TAFA1: variants seen among roughly 807,000 people sequenced by gnomAD.
The protein encoded by TAFA1 is TAFA chemokine like family member 1, also known as chemokine-like protein TAFA-1.
Under a neutral mutation model 18.5 loss-of-function variants are expected in TAFA1, and 4 were observed. The observed-to-expected ratio is 0.22, with a 90% CI of 0.11 to 0.49. TAFA1 has a LOEUF of 0.49. TAFA1 is among the 20% of genes least tolerant of loss of function. The pLI, the probability that TAFA1 is intolerant of heterozygous loss-of-function variation, is 0.98. For synonymous variants in TAFA1, 56 were observed against 55.2 expected (o/e 1.01, Z -0.06); for missense variants, 147 against 169.0 (o/e 0.87, Z 0.72).
At chr3:68,405,724 A>G (rs2070591463) in intron 2 of TAFA1, among the ~76,000 whole-genome samples, 1 of 142,270 alleles carries the variant, frequency 7.0e-6, no homozygotes. Context: ...AAAAAAAAAA[A>G]AAAAAAAAAA....
chr3:68,206,469 C>G (rs1310807941), intron 2 of TAFA1, among the ~76,000 whole-genome samples: 5 of 151,686 alleles, frequency 3.3e-5, no homozygotes, highest in African/African-American at 1.2e-4. Context: ...TAATAGTTCC[C>G]AAATGATATT....
At chr3:68,344,503 G>T (rs1206665736) in intron 2 of TAFA1, among the ~76,000 whole-genome samples, 2 of 152,210 alleles carry the variant, frequency 1.3e-5, no homozygotes, top group Non-Finnish European at 2.9e-5. Context: ...AGACGTGTGT[G>T]ATGACAGGCT....
chr3:68,348,064 T>C (rs1264481300), intron 2 of TAFA1, among the ~76,000 whole-genome samples: 1 of 152,048 alleles, frequency 6.6e-6, no homozygotes. Context: ...TCATACCTTA[T>C]CTGTAAAGCA....
chr3:68,377,448 C>T (rs2069840539), intron 2 of TAFA1, among the ~76,000 whole-genome samples: 1 of 152,270 alleles, frequency 6.6e-6, no homozygotes, highest in South Asian at 2.1e-4. Flanking sequence ...CTGCCCTGCC[C>T]TAGAGATCTG....
At chr3:68,371,095 T>G (rs2069697705) in intron 2 of TAFA1, among the ~76,000 whole-genome samples, 2 of 152,308 alleles carry the variant, frequency 1.3e-5, no homozygotes, top group South Asian at 4.1e-4. Flanking sequence ...ATTGTAATTT[T>G]TCCTCTTCTC....
At position 68,491,049 on chromosome 3, in the gene TAFA1, G is replaced by A. The variant is rs560692711; in HGVS notation, c.260-47707G>A. 5.3e-5 allele frequency among the ~76,000 whole-genome samples: 8 copies of A among 151,904 alleles called. No individual in the cohort carries two copies. In the East Asian group the frequency reaches 1.6e-3, roughly 30 times the overall value. ...AGATGGGATTTTATCCTCTTGCCCAGGCTGGTCTTAAACTCCCAGGCTCAA... is the reference window on the plus strand; with the variant it reads ...AGATGGGATTTTATCCTCTTGCCCAAGCTGGTCTTAAACTCCCAGGCTCAA... On this transcript the variant is annotated intron_variant, in intron 3 of 4. Coordinates refer to ENST00000478136, the MANE Select transcript of TAFA1 (RefSeq NM_213609.4).
intron 2 of TAFA1, among the ~76,000 whole-genome samples, chr3:68,098,484 T>C (rs2065112946): frequency 1.3e-5 from 2 of 152,192 alleles, no homozygotes; most frequent in Non-Finnish European, 2.9e-5. Context: ...TGTGTCTGCC[T>C]AGGATCTTCT....
rs567250306 is a variant in TAFA1 at position 68,417,381 on chromosome 3, G to A, written c.220G>A (p.Val74Met). 6 of 1,613,600 alleles carry A rather than the reference G, an allele frequency of 3.7e-6. No homozygotes were observed. Among genetic ancestry groups the A allele is most frequent in the Non-Finnish European group, 5.1e-6 (6 of 1,179,696 alleles). Residue 74 changes from valine to methionine, a missense_variant, in exon 3 of 5, where the codon GTG becomes ATG. Coordinates refer to ENST00000478136, the MANE Select transcript of TAFA1 (RefSeq NM_213609.4). Reference sequence around the variant, plus strand: ...AAAGTGTTCCTGTCTACCTGGAAAAGTGGCTGGAACAACAAGAAACCGGCC... The same window carrying A: ...AAAGTGTTCCTGTCTACCTGGAAAAATGGCTGGAACAACAAGAAACCGGCC... ...TVKCSCLPGK[V>M]AGTTRNRPSC...
chr3:68,460,290 C>T (rs2071749872), intron 3 of TAFA1, among the ~76,000 whole-genome samples: 1 of 152,160 alleles, frequency 6.6e-6, no homozygotes, highest in South Asian at 2.1e-4. Context: ...CCTAGACCAT[C>T]TGATAAATCC....
chr3:68,001,788 A>T (rs1704286457), upstream of TAFA1, among the ~76,000 whole-genome samples: 1 of 152,162 alleles, frequency 6.6e-6, no homozygotes, highest in African/African-American at 2.4e-5. Context: ...TGCAATAACA[A>T]ATAACTCCTA....
intron 2 of TAFA1, among the ~76,000 whole-genome samples, chr3:68,285,198 T>C (rs1004131318): frequency 6.6e-6 from 1 of 152,194 alleles, no homozygotes; most frequent in Non-Finnish European, 1.5e-5. Context: ...ATAAGTCCAT[T>C]GATATGAATT....
At chr3:68,362,961 G>T (rs1295883312) in intron 2 of TAFA1, among the ~76,000 whole-genome samples, 46 of 83,326 alleles carry the variant, frequency 5.5e-4, no homozygotes, top group East Asian at 2.0e-3. Flanking sequence ...TTTTAACGAT[G>T]TAAGCCCTGT....
chr3:68,530,157 T>C (rs2073170141), intron 3 of TAFA1, among the ~76,000 whole-genome samples: 1 of 152,214 alleles, frequency 6.6e-6, no homozygotes, highest in Admixed American at 6.5e-5. Flanking sequence ...ATTTGCTGAA[T>C]TTGATTATCT....
At chr3:68,259,779 A>G (rs969505023) in intron 2 of TAFA1, among the ~76,000 whole-genome samples, 2 of 152,094 alleles carry the variant, frequency 1.3e-5, no homozygotes, top group African/African-American at 4.8e-5. Context: ...ATTTTTGTAC[A>G]TTGATTTTGT....
chr3:68,115,364 G>C (rs116043584), intron 2 of TAFA1, among the ~76,000 whole-genome samples: 31 of 152,260 alleles, frequency 2.0e-4, no homozygotes, highest in Non-Finnish European at 4.1e-4. Context: ...TTGCTTCCCA[G>C]ATGATACCGC....
At chr3:67,993,290 C>G in the TAFA1 span, among the ~76,000 whole-genome samples, 1 of 152,184 alleles carries the variant, frequency 6.6e-6, no homozygotes, top group Non-Finnish European at 1.5e-5. Flanking sequence ...GTAGGAAATA[C>G]AGCAAACGAA....
At chr3:68,195,658 C>T (rs1389053809) in intron 2 of TAFA1, among the ~76,000 whole-genome samples, 1 of 151,540 alleles carries the variant, frequency 6.6e-6, no homozygotes, top group Non-Finnish European at 1.5e-5. Flanking sequence ...GTTATTCAGC[C>T]CAACTTGTCC....
intron 2 of TAFA1, among the ~76,000 whole-genome samples, chr3:68,350,551 C>T (rs896372396): frequency 3.9e-5 from 6 of 151,942 alleles, no homozygotes; most frequent in African/African-American, 7.2e-5. Flanking sequence ...TTAAAAAGTC[C>T]CAAGGTATTT....
At chr3:67,994,026 G>T in the TAFA1 span, among the ~76,000 whole-genome samples, 1 of 152,132 alleles carries the variant, frequency 6.6e-6, no homozygotes, top group Non-Finnish European at 1.5e-5. Flanking sequence ...GGGGTGAGCT[G>T]TGTGATATAT....
Sources: gnomAD v4.1 joint callset for allele counts (sites outside exome capture counted in the v4.1 genomes callset) on GRCh38, gnomAD v4.1.1 for gene constraint, MANE v1.5 for transcripts, NCBI Gene and HGNC (gene_info 2026-07-23, HGNC 2026-07-21) for gene names.